The following PLSCR1 variants were observed in gnomAD, a reference collection of about 807,000 sequenced individuals.
PLSCR1 encodes PL scramblase 1.
PLSCR1 carries 17 observed loss-of-function variants against 37.8 expected under a neutral mutation model. That is an observed-to-expected ratio of 0.45 (90% CI 0.31 to 0.68). The LOEUF (loss-of-function observed/expected upper bound fraction) is 0.68. Among genes scored for constraint, PLSCR1 ranks in the 30% least tolerant of loss-of-function variants. The pLI, the probability that PLSCR1 is intolerant of heterozygous loss-of-function variation, is 0.06. For synonymous variants in PLSCR1, 116 were observed against 125.9 expected (o/e 0.92, Z 0.53); for missense variants, 347 against 380.9 (o/e 0.91, Z 0.74).
chr3:146,528,347 C>A lies in PLSCR1; in HGVS notation c.312+267G>T, dbSNP rs983373574. Reference sequence around the variant, plus strand: ...TGAGTTAATACATGTATCAGGCATACAACAAAGGCAGGAAACAGTGCTAAT... The same window carrying A: ...TGAGTTAATACATGTATCAGGCATAAAACAAAGGCAGGAAACAGTGCTAAT... On this transcript the variant is annotated intron_variant, in intron 4 of 8. Transcript: ENST00000342435. 4 of 458,940 alleles carry A rather than the reference C, an allele frequency of 8.7e-6. No individual in the cohort carries two copies. The Admixed American group carries it at 1.4e-4, about 16-fold the overall frequency. The allele number at this position is 458,940 out of a possible 1,614,324, so 28.4% of individuals were successfully genotyped here.
At chr3:146,528,882 G>T in intron 3 of PLSCR1, 51 bp from the exon 4 acceptor site, 1 of 1,393,454 alleles carries the variant, frequency 7.2e-7, no homozygotes, top group Non-Finnish European at 1.0e-6. Context: ...AAATGGAATT[G>T]TCAACCTTTT....
chr3:146,532,700 G>T (rs1007761054), intron 3 of PLSCR1, among the ~76,000 whole-genome samples: 42 of 152,166 alleles, frequency 2.8e-4, no homozygotes, highest in Admixed American at 2.3e-3. Flanking sequence ...TAAATCCTCA[G>T]GATGCTCTTT....
chr3:146,529,641 T>C (rs899085046), intron 3 of PLSCR1, among the ~76,000 whole-genome samples: 1 of 152,012 alleles, frequency 6.6e-6, no homozygotes. Flanking sequence ...GCCTCCTAAG[T>C]AGCTGGAACT....
intron 1 of PLSCR1, chr3:146,541,089 G>A (rs1576800331): frequency 6.6e-6 from 1 of 152,160 alleles, no homozygotes; most frequent in Non-Finnish European, 1.5e-5. Context: ...TGTAAGATAC[G>A]GGATGAAACT....
rs1193390101 is a variant in PLSCR1 at position 146,515,220 on chromosome 3, A to G, written c.*825T>C. The G allele has an allele frequency of 6.6e-6, 1 of 152,228 alleles. No homozygotes were observed. Among genetic ancestry groups the G allele is most frequent in the Non-Finnish European group, 1.5e-5 (1 of 68,046 alleles). The allele number at this position is 152,228 out of a possible 1,614,324, so 9.4% of individuals were successfully genotyped here. ...TTTTTATTTCAAATATTTGAATCTA[A>G]TAGATCATTATTTAGGTTTATACTC... On this transcript the variant is annotated 3_prime_UTR_variant, in exon 9 of 9. Coordinates refer to ENST00000342435, the MANE Select transcript of PLSCR1 (RefSeq NM_021105.3).
At chr3:146,536,413 G>T in intron 2 of PLSCR1, 127 bp downstream of exon 2, 1 of 619,586 alleles carries the variant, frequency 1.6e-6, no homozygotes, top group Non-Finnish European at 3.0e-6. Flanking sequence ...ATTGTATTCT[G>T]GAGCATAAAC....
chr3:146,517,873 G>A (rs1024198379), intron 7 of PLSCR1, among the ~76,000 whole-genome samples: 2 of 152,108 alleles, frequency 1.3e-5, no homozygotes, highest in Non-Finnish European at 2.9e-5. Context: ...CTCAGACTAA[G>A]GCAACTCCTC....
chr3:146,539,856 T>C (rs2044314697), intron 1 of PLSCR1, among the ~76,000 whole-genome samples: 1 of 152,220 alleles, frequency 6.6e-6, no homozygotes, highest in African/African-American at 2.4e-5. Context: ...TAAGTGTTCC[T>C]TGTACCTGTA....
intron 5 of PLSCR1, 83 bp downstream of exon 5, chr3:146,525,522 T>TTA (rs2044095306): frequency 1.2e-5 from 9 of 736,624 alleles, no homozygotes; most frequent in Non-Finnish European, 2.0e-5. Context: ...AGTGAGAGTG[T>TTA]TATATTTGTG....
chr3:146,517,895 G>A (rs1331875211), intron 7 of PLSCR1, among the ~76,000 whole-genome samples: 3 of 152,190 alleles, frequency 2.0e-5, no homozygotes, highest in African/African-American at 7.2e-5. Context: ...AGGAGGGCAG[G>A]TGGGGACTGA....
In PLSCR1 at chr3:146,521,817, G is replaced by A; in HGVS notation, c.576+16C>T. 1 of 1,598,284 alleles carries A rather than the reference G, an allele frequency of 6.3e-7. No homozygotes were observed. Among genetic ancestry groups the A allele is most frequent in the Non-Finnish European group, 8.6e-7 (1 of 1,166,474 alleles). On this transcript the variant is annotated intron_variant, in intron 6 of 8. Transcript: ENST00000342435. Reference sequence around the variant, plus strand: ...CTGAACTATTTTACAAAGTGCCCTGGTAATTGATCACAGACCTCCTGAAGG... The same window carrying A: ...CTGAACTATTTTACAAAGTGCCCTGATAATTGATCACAGACCTCCTGAAGG...
intron 5 of PLSCR1, among the ~76,000 whole-genome samples, chr3:146,525,061 A>G (rs1391237022): frequency 6.6e-6 from 1 of 152,238 alleles, no homozygotes; most frequent in Non-Finnish European, 1.5e-5. Flanking sequence ...GCCATTCAGC[A>G]GGAGCAGGAG....
At chr3:146,537,869 T>C (rs2738920) in intron 1 of PLSCR1, 41,137 of 151,980 alleles carry the variant, frequency 0.27, 5,760 homozygotes, top group African/African-American at 0.32. Flanking sequence ...GACTGTGTTT[T>C]AAAATAAAGG....
intron 1 of PLSCR1, among the ~76,000 whole-genome samples, chr3:146,543,794 A>G (rs981152314): frequency 1.3e-5 from 2 of 152,216 alleles, no homozygotes; most frequent in African/African-American, 4.8e-5. Context: ...AATTTCAGAG[A>G]TGAGGCAATG....
chr3:146,528,441 A>C, intron 4 of PLSCR1, 173 bp downstream of exon 4: 1 of 611,202 alleles, frequency 1.6e-6, no homozygotes, highest in South Asian at 2.0e-5. Context: ...TTTCTAAGGC[A>C]TTTGTATTTT....
At chr3:146,540,008 A>G (rs2587016) in intron 1 of PLSCR1, among the ~76,000 whole-genome samples, 41,012 of 151,814 alleles carry the variant, frequency 0.27, 5,702 homozygotes, top group African/African-American at 0.32. Flanking sequence ...TACATCACTC[A>G]GTTTGGGGAA....
chr3:146,527,524 G>A lies in PLSCR1; in HGVS notation c.312+1090C>T, dbSNP rs1029688803. On this transcript the variant is annotated intron_variant, in intron 4 of 8. Transcript: ENST00000342435. ...AATCTTCCTTCTAGAATAGGCTGAA[G>A]AAATATTGGTAACTTTTTTAGCCAT... is the stretch of plus-strand genomic sequence containing the variant. Among the ~76,000 whole-genome samples the A allele has an allele frequency of 2.6e-5, 4 of 152,128 alleles. No individual in the cohort carries two copies. The East Asian group carries it at 5.8e-4, about 22-fold the overall frequency.
intron 3 of PLSCR1, among the ~76,000 whole-genome samples, chr3:146,530,506 G>A (rs1305633918): frequency 6.6e-6 from 1 of 152,150 alleles, no homozygotes; most frequent in Non-Finnish European, 1.5e-5. Flanking sequence ...AATTCATATG[G>A]ATGTGATGGA....
chr3:146,517,034 G>A lies in PLSCR1; in HGVS notation c.872C>T (p.Ala291Val). The change falls in exon 8 of 9, where the codon GCT becomes GTT. Residue 291 changes from alanine (A) to valine (V), a missense_variant. Ala to Val is a moderately conservative substitution (Grantham distance 64). Coordinates refer to ENST00000342435, the MANE Select transcript of PLSCR1 (RefSeq NM_021105.3). Reference sequence around the variant, plus strand: ...GAGGAAACAGGCACCAATCATTACAGCTTTCATTTTAACATCAAGGTCTAA... The same window carrying A: ...GAGGAAACAGGCACCAATCATTACAACTTTCATTTTAACATCAAGGTCTAA... ...FPLDLDVKMK[A>V]VMIGACFLID... The A allele has an allele frequency of 6.3e-7, 1 of 1,597,378 alleles. No individual in the cohort carries two copies. The highest frequency in any genetic ancestry group is 2.3e-5 in the East Asian group (1 of 44,210).
Sources: gnomAD v4.1 joint callset for allele counts (sites outside exome capture counted in the v4.1 genomes callset) on GRCh38, gnomAD v4.1.1 for gene constraint, MANE v1.5 for transcripts, NCBI Gene and HGNC (gene_info 2026-07-23, HGNC 2026-07-21) for gene names.